FERMT2: variants seen among roughly 807,000 people sequenced by gnomAD.
The protein encoded by FERMT2 is FERM domain containing kindlin 2.
A neutral mutation model predicts 82.7 loss-of-function variants in FERMT2; 15 were observed. That is an observed-to-expected ratio of 0.18 (90% confidence interval 0.12 to 0.28). FERMT2 has a LOEUF of 0.28. Among genes scored for constraint, FERMT2 ranks in the 10% least tolerant of loss-of-function variants. The probability of loss-of-function intolerance (pLI) is 1.00; values close to 1 mark genes in which losing one functional copy is unlikely to be tolerated. For synonymous variants in FERMT2, 274 were observed against 271.5 expected (o/e 1.01, Z -0.09); for missense variants, 645 against 809.4 (o/e 0.80, Z 2.46).
intron 3 of FERMT2, among the ~76,000 whole-genome samples, chr14:52,900,460 G>C (rs1313295829): frequency 6.6e-6 from 1 of 152,052 alleles, no homozygotes; most frequent in Non-Finnish European, 1.5e-5. Context: ...GGTTAAAAAA[G>C]TATATTGAAT....
At chr14:52,942,939 G>A (rs570452295) in intron 2 of FERMT2, among the ~76,000 whole-genome samples, 212 of 152,270 alleles carry the variant, frequency 1.4e-3, no homozygotes, top group Non-Finnish European at 1.9e-3. Flanking sequence ...TTGGCCAGGC[G>A]TGGTGGCTGA....
intron 2 of FERMT2, among the ~76,000 whole-genome samples, chr14:52,939,583 T>C (rs1260811382): frequency 6.6e-6 from 1 of 152,096 alleles, no homozygotes; most frequent in Admixed American, 6.6e-5. Context: ...CTTATAATAA[T>C]CCAAAGATAC....
rs866831828 is a variant in FERMT2, at chr14:52,906,168, G to T, written c.392-12741C>A. Among the ~76,000 whole-genome samples, 8 of 152,278 alleles carry T rather than the reference G, an allele frequency of 5.3e-5. No individual in the cohort carries two copies. The South Asian group carries it at 1.0e-3, about 20-fold the overall frequency. ...GGATGGCATTCAGGGATGACAAGGT[G>T]GCTAGAATGTGTGGGGCAGGGGACA... On this transcript the variant is annotated intron_variant, in intron 3 of 14. Transcript: ENST00000341590.
intron 5 of FERMT2, 28 bp from the exon 6 acceptor site, chr14:52,881,166 A>G (rs540797945): frequency 6.3e-7 from 1 of 1,597,038 alleles, no homozygotes; most frequent in African/African-American, 1.3e-5. Context: ...AGTGGAACAA[A>G]ACAACACAGA....
At chr14:52,870,661 A>G (rs1885563154) in intron 10 of FERMT2, among the ~76,000 whole-genome samples, 1 of 152,204 alleles carries the variant, frequency 6.6e-6, no homozygotes, top group African/African-American at 2.4e-5. Context: ...GTAACCTAGG[A>G]GCAATCGGCT....
chr14:52,886,274 G>GGA (rs142670911), intron 4 of FERMT2, among the ~76,000 whole-genome samples: 29 of 138,696 alleles, frequency 2.1e-4, no homozygotes, highest in African/African-American at 5.7e-4. Flanking sequence ...CTCTTGGGGG[G>GGA]GAGAGAGAGA....
intron 3 of FERMT2, among the ~76,000 whole-genome samples, chr14:52,913,531 CTCTA>C (rs1259199918): frequency 9.2e-5 from 14 of 152,258 alleles, no homozygotes; most frequent in Admixed American, 5.2e-4. Flanking sequence ...ACTGCCTGCA[CTCTA>C]TCTATGAGGA....
intron 1 of FERMT2, 86 bp from the exon 2 acceptor site, chr14:52,950,663 G>A (rs1595036447): frequency 2.1e-6 from 3 of 1,409,848 alleles, no homozygotes; most frequent in East Asian, 4.6e-5. Flanking sequence ...CCGGCCACGG[G>A]CTGGGAGGTG....
rs10638877 is a variant in FERMT2 at position 52,901,280 on chromosome 14, C to CA, written c.392-7854dup. ...TAGGCGACAGAGCGAGACTCTGTCT[C>CA]AAAAAAAAAAAAAAAAAAAAGCCCC... is the stretch of plus-strand genomic sequence containing the variant. On this transcript the variant is annotated intron_variant, in intron 3 of 14. Transcript: ENST00000341590. Among the ~76,000 whole-genome samples, 533 of 57,220 alleles carry CA rather than the reference C, an allele frequency of 9.3e-3. 63 individuals carry two copies. Among genetic ancestry groups the CA allele is most frequent in the African/African-American group, 0.026 (329 of 12,860 alleles). 37.5% of individuals were successfully genotyped at this position (57,220 alleles called of 152,430 possible).
intron 2 of FERMT2, among the ~76,000 whole-genome samples, chr14:52,946,335 T>C (rs1043136931): frequency 4.6e-5 from 7 of 151,600 alleles, no homozygotes; most frequent in Non-Finnish European, 7.4e-5. Flanking sequence ...AAAAACACTA[T>C]ACACGTTTGA....
chr14:52,891,343 T>A (rs751872688), intron 4 of FERMT2, among the ~76,000 whole-genome samples: 1 of 152,200 alleles, frequency 6.6e-6, no homozygotes, highest in Non-Finnish European at 1.5e-5. Context: ...ATAAAAGTCA[T>A]TTAACATTTA....
chr14:52,864,724 G>A lies in FERMT2; in HGVS notation c.1380+23C>T, dbSNP rs1176819707. On this transcript the variant is annotated intron_variant, in intron 11 of 14. Transcript: ENST00000341590. The stretch of plus-strand genomic sequence containing the variant: ...TCAACTCATTTAAGAAAATTGAAGT[G>A]TATTTTTAACTGGAAAACTTACATT... 5 of 1,588,436 alleles carry A rather than the reference G, an allele frequency of 3.1e-6. No homozygotes were observed. In the African/African-American group the frequency reaches 4.0e-5, roughly 13 times the overall value.
intron 4 of FERMT2, among the ~76,000 whole-genome samples, chr14:52,885,565 A>C (rs1268477776): frequency 6.6e-6 from 1 of 152,086 alleles, no homozygotes; most frequent in Non-Finnish European, 1.5e-5. Flanking sequence ...TTTAGCAACA[A>C]AATATGAGCT....
intron 3 of FERMT2, among the ~76,000 whole-genome samples, chr14:52,905,279 T>C (rs1347302191): frequency 6.6e-6 from 1 of 151,868 alleles, no homozygotes; most frequent in Non-Finnish European, 1.5e-5. Context: ...AGCACATATT[T>C]AGAATTATGA....
At chr14:52,865,662 T>G (rs1885227765) in intron 10 of FERMT2, among the ~76,000 whole-genome samples, 1 of 152,178 alleles carries the variant, frequency 6.6e-6, no homozygotes, top group South Asian at 2.1e-4. Flanking sequence ...TGTCATATGA[T>G]CATGCAGTAG....
chr14:52,900,965 C>G lies in FERMT2; in HGVS notation c.392-7538G>C, dbSNP rs560032585. On this transcript the variant is annotated intron_variant, in intron 3 of 14. Transcript: ENST00000341590. ...CCAATATAGAGCTTCCTATTAGGTA[C>G]TGATATTGCCCCAGGCCAGGCGCAG... Among the ~76,000 whole-genome samples the G allele has an allele frequency of 7.9e-5, 12 of 151,956 alleles. No homozygotes were observed. The South Asian group carries it at 2.5e-3, about 32-fold the overall frequency.
At chr14:52,941,980 C>T (rs1040922460) in intron 2 of FERMT2, among the ~76,000 whole-genome samples, 3 of 151,956 alleles carry the variant, frequency 2.0e-5, no homozygotes, top group Non-Finnish European at 2.9e-5. Context: ...TGGAAGTTGG[C>T]GGGAAAGTAA....
intron 9 of FERMT2, chr14:52,873,568 T>A (rs1272742389): frequency 6.6e-6 from 1 of 152,490 alleles, no homozygotes; most frequent in Admixed American, 6.5e-5. Flanking sequence ...AGAAGTTCCA[T>A]ATTTTGAACT....
chr14:52,895,186 C>T (rs1408448115), intron 3 of FERMT2, among the ~76,000 whole-genome samples: 2 of 152,202 alleles, frequency 1.3e-5, no homozygotes, highest in African/African-American at 2.4e-5. Flanking sequence ...ATCAAAGAGG[C>T]CAGCATTAAA....
Sources: allele counts gnomAD v4.1 joint callset (sites outside exome capture counted in the v4.1 genomes callset), GRCh38; gene constraint gnomAD v4.1.1; transcripts MANE v1.5; gene names NCBI Gene and HGNC (gene_info 2026-07-23, HGNC 2026-07-21).